The following GRIN2B variants were observed in gnomAD, a reference collection of about 807,000 sequenced individuals.
GRIN2B encodes glutamate ionotropic receptor NMDA type subunit 2B.
GRIN2B carries 5 observed loss-of-function variants against 114.5 expected under a neutral mutation model. The ratio of observed to expected loss-of-function variants is 0.04; its 90% confidence interval spans 0.02 to 0.09. GRIN2B has a LOEUF of 0.09. GRIN2B is among the 10% of genes least tolerant of loss of function. GRIN2B has a pLI of 1.00. For missense variants in GRIN2B, 1,108 were observed against 1,943.5 expected (o/e 0.57, Z 8.08); for synonymous variants, 787 against 745.1 (o/e 1.06, Z -0.92).
chr12:13,594,272 C>T (rs1052883870), intron 10 of GRIN2B, among the ~76,000 whole-genome samples: 1 of 152,134 alleles, frequency 6.6e-6, no homozygotes, highest in Non-Finnish European at 1.5e-5. Context: ...TTGGAACTGA[C>T]CCAAATGCCC....
At chr12:13,811,817 T>C (rs1447418022) in intron 3 of GRIN2B, among the ~76,000 whole-genome samples, 1 of 152,178 alleles carries the variant, frequency 6.6e-6, no homozygotes, top group East Asian at 1.9e-4. Context: ...AGTTTGGAAT[T>C]AGGCACGGAG....
At chr12:13,789,273 A>C (rs1295827693) in intron 3 of GRIN2B, among the ~76,000 whole-genome samples, 1 of 152,234 alleles carries the variant, frequency 6.6e-6, no homozygotes, top group African/African-American at 2.4e-5. Context: ...ATGGTATCCC[A>C]TTAACAACTG....
Position 13,544,043 on chromosome 12 carries a change from GT to G in GRIN2B, c.*18739del, listed in dbSNP as rs1261621626. On this transcript the variant is annotated 3_prime_UTR_variant, in exon 14 of 14. Transcript: ENST00000609686. ...TAGTCTTGTCAACATAAAATGGGCTGTTATTTTTCCCATCTTAAAAAAAGAA... is the reference window on the plus strand; with the variant it reads ...TAGTCTTGTCAACATAAAATGGGCTGTATTTTTCCCATCTTAAAAAAAGAA... 2 of 152,134 alleles carry G rather than the reference GT, an allele frequency of 1.3e-5. No homozygotes were observed. Among genetic ancestry groups the G allele is most frequent in the African/African-American group, 4.8e-5 (2 of 41,412 alleles). 9.4% of individuals were successfully genotyped at this position (152,134 alleles called of 1,614,324 possible).
At chr12:13,845,285 C>T (rs1000938437) in intron 3 of GRIN2B, among the ~76,000 whole-genome samples, 2 of 152,062 alleles carry the variant, frequency 1.3e-5, no homozygotes, top group Non-Finnish European at 2.9e-5. Context: ...TATATACAGC[C>T]CCAAATGTCA....
intron 3 of GRIN2B, among the ~76,000 whole-genome samples, chr12:13,796,411 G>C (rs1272365518): frequency 1.3e-5 from 2 of 152,156 alleles, no homozygotes; most frequent in East Asian, 3.9e-4. Context: ...GGGGAAGAAG[G>C]CCAGAGGGCA....
In GRIN2B at chr12:13,706,903, C is replaced by T. The variant is rs528852558; in HGVS notation, c.1011-31044G>A. ...TGATGCAGGCTTTCAGACACAGTCT[C>T]CTTCCTCCTCCTCTCAGGAACAGCC... is the stretch of plus-strand genomic sequence containing the variant. On this transcript the variant is annotated intron_variant, in intron 4 of 13. Transcript: ENST00000609686. Among the ~76,000 whole-genome samples, 51 of 152,128 alleles carry T rather than the reference C, an allele frequency of 3.4e-4. No homozygotes were observed. The South Asian group carries it at 0.01, about 30-fold the overall frequency.
rs965005119 is a variant in GRIN2B, at chr12:13,558,549, A to G, written c.*4234T>C. On this transcript the variant is annotated 3_prime_UTR_variant, in exon 14 of 14. Coordinates refer to ENST00000609686, the MANE Select transcript of GRIN2B (RefSeq NM_000834.5). ...GCAGGTGACCAGCACTCTGCAGAGA[A>G]TTCTCCCTTGGGCAACTCCTGATGG... 3.9e-5 allele frequency: 6 copies of G among 151,994 alleles called. No individual in the cohort carries two copies. The highest frequency in any genetic ancestry group is 1.4e-4 in the African/African-American group (6 of 41,382). The allele number at this position is 151,994 out of a possible 1,614,324, so 9.4% of individuals were successfully genotyped here.
intron 10 of GRIN2B, among the ~76,000 whole-genome samples, chr12:13,572,420 A>G (rs547324724): frequency 6.6e-6 from 1 of 152,268 alleles, no homozygotes; most frequent in South Asian, 2.1e-4. Context: ...TAGTGAGGTG[A>G]GCTATGTGGT....
chr12:13,593,494 T>C (rs981529965), intron 10 of GRIN2B, among the ~76,000 whole-genome samples: 3 of 152,228 alleles, frequency 2.0e-5, no homozygotes, highest in Non-Finnish European at 2.9e-5. Flanking sequence ...GCTAGCCATA[T>C]GCAGAAAGCT....
chr12:13,972,733 C>T (rs546534590), intron 2 of GRIN2B, among the ~76,000 whole-genome samples: 44 of 152,274 alleles, frequency 2.9e-4, no homozygotes, highest in Non-Finnish European at 5.3e-4. Context: ...GGGTGGTTGT[C>T]GAGGAGGACA....
chr12:13,574,835 A>G (rs117533267), intron 10 of GRIN2B, among the ~76,000 whole-genome samples: 1,927 of 152,342 alleles, frequency 0.013, 32 homozygotes, highest in Non-Finnish European at 0.016. Context: ...TGACTTTAAG[A>G]TTCATTATAA....
intron 11 of GRIN2B, among the ~76,000 whole-genome samples, 154 bp downstream of exon 11, chr12:13,571,650 T>C (rs1948710552): frequency 6.6e-6 from 1 of 152,204 alleles, no homozygotes; most frequent in East Asian, 1.9e-4. Flanking sequence ...AATGATACGA[T>C]CAAATTTAAC....
chr12:13,870,400 G>A (rs974000807), intron 2 of GRIN2B, among the ~76,000 whole-genome samples: 4 of 152,098 alleles, frequency 2.6e-5, no homozygotes, highest in African/African-American at 9.7e-5. Flanking sequence ...TGAAGCTTGG[G>A]CTAAGTGATC....
intron 3 of GRIN2B, among the ~76,000 whole-genome samples, chr12:13,863,994 C>T (rs1412514520): frequency 6.6e-6 from 1 of 152,174 alleles, no homozygotes; most frequent in Non-Finnish European, 1.5e-5. Context: ...TAAGGACAAT[C>T]ATATTTGAAA....
At chr12:13,661,079 G>A (rs1052183289) in intron 5 of GRIN2B, among the ~76,000 whole-genome samples, 4 of 152,002 alleles carry the variant, frequency 2.6e-5, no homozygotes, top group African/African-American at 7.3e-5. Context: ...ATATTCACAT[G>A]TTTCATTTAC....
intron 5 of GRIN2B, among the ~76,000 whole-genome samples, chr12:13,617,685 C>T (rs776891022): frequency 3.9e-5 from 6 of 152,214 alleles, no homozygotes. Flanking sequence ...TGCATTTTCT[C>T]AATCTATGAT....
chr12:13,974,995 G>A (rs1482017339), intron 2 of GRIN2B, among the ~76,000 whole-genome samples: 1 of 152,214 alleles, frequency 6.6e-6, no homozygotes, highest in Non-Finnish European at 1.5e-5. Flanking sequence ...AGAGAGCACA[G>A]AATGAAAAGA....
intron 4 of GRIN2B, among the ~76,000 whole-genome samples, chr12:13,734,006 A>G (rs1288577352): frequency 2.6e-5 from 4 of 152,140 alleles, no homozygotes; most frequent in Admixed American, 2.0e-4. Flanking sequence ...TTGCCACTAT[A>G]CCATACAGTC....
chr12:13,686,665 G>A (rs753120638), intron 4 of GRIN2B, among the ~76,000 whole-genome samples: 6 of 152,004 alleles, frequency 3.9e-5, no homozygotes, highest in Non-Finnish European at 5.9e-5. Flanking sequence ...AGTAATTGGC[G>A]CCTGATGACC....
Sources: gnomAD v4.1 joint callset for allele counts (sites outside exome capture counted in the v4.1 genomes callset) on GRCh38, gnomAD v4.1.1 for gene constraint, MANE v1.5 for transcripts, NCBI Gene and HGNC (gene_info 2026-07-23, HGNC 2026-07-21) for gene names.